PLAC8L1: variants seen among roughly 807,000 people sequenced by gnomAD.
PLAC8L1 encodes PLAC8 like 1, also known as PLAC8-like protein 1.
PLAC8L1 carries 13 observed loss-of-function variants against 16.3 expected under a neutral mutation model. The observed-to-expected ratio is 0.80, with a 90% CI of 0.52 to 1.27. PLAC8L1 has a LOEUF of 1.27. PLAC8L1 is among the 50% of genes most tolerant of loss of function. The probability of loss-of-function intolerance (pLI) is 0.00; values close to 1 mark genes in which losing one functional copy is unlikely to be tolerated. For synonymous variants in PLAC8L1, 78 were observed against 79.3 expected (o/e 0.98, Z 0.09); for missense variants, 184 against 220.2 (o/e 0.84, Z 1.04).
chr5:146,084,424 T>C lies in PLAC8L1; in HGVS notation c.*8A>G. 1 of 1,613,610 alleles carries C rather than the reference T, an allele frequency of 6.2e-7. No homozygotes were observed. The highest frequency in any genetic ancestry group is 1.7e-4 in the Middle Eastern group (1 of 6,058). Reference sequence around the variant, plus strand: ...GTTGGGGAGTAAGGAGGAGGAGTTATCTTGCTGTCAAACCAGGGTGTCCTT... The same window carrying C: ...GTTGGGGAGTAAGGAGGAGGAGTTACCTTGCTGTCAAACCAGGGTGTCCTT... On this transcript the variant is annotated 3_prime_UTR_variant, in exon 4 of 4. Transcript: ENST00000311450.
intron 1 of PLAC8L1, among the ~76,000 whole-genome samples, chr5:146,098,983 G>A (rs564873716): frequency 3.3e-5 from 5 of 152,282 alleles, no homozygotes; most frequent in South Asian, 2.1e-4. Context: ...CCCAGAAAGG[G>A]ATGAATATTC....
At chr5:146,103,863 T>A (rs1763863389) in intron 1 of PLAC8L1, 1 of 985,388 alleles carries the variant, frequency 1.0e-6, no homozygotes, top group Non-Finnish European at 1.2e-6. Flanking sequence ...TATTTCAAAC[T>A]CAGCTGAAGC....
Position 146,098,243 on chromosome 5 carries a change from T to C in PLAC8L1, c.169A>G (p.Ser57Gly). The C allele has an allele frequency of 6.2e-7, 1 of 1,614,172 alleles. No individual in the cohort carries two copies. The highest frequency in any genetic ancestry group is 1.1e-5 in the South Asian group (1 of 91,068). ...AVVKQPVRGA[S>G]GRTTITAIVQ... ...ATTGCTGTGATTGTCGTCCTGCCAC[T>C]GGCTCCCCGAACAGGCTGCTTCACC... The change falls in exon 2 of 4, where the codon AGT becomes GGT. Residue 57 changes from serine to glycine, a missense_variant. Transcript: ENST00000311450.
intron 1 of PLAC8L1, among the ~76,000 whole-genome samples, chr5:146,099,918 G>T (rs1293729784): frequency 6.6e-6 from 1 of 152,068 alleles, no homozygotes; most frequent in East Asian, 1.9e-4. Context: ...CACCAATACG[G>T]ATCATGTCTA....
At chr5:146,104,063 T>G in intron 1 of PLAC8L1, 130 bp downstream of exon 1, 1 of 1,419,546 alleles carries the variant, frequency 7.0e-7, no homozygotes, top group Non-Finnish European at 9.2e-7. Context: ...CAAGTTTGCA[T>G]GGAGAAAAGA....
At chr5:146,089,527 A>C (rs1237425275) in intron 2 of PLAC8L1, among the ~76,000 whole-genome samples, 1 of 152,124 alleles carries the variant, frequency 6.6e-6, no homozygotes, top group Non-Finnish European at 1.5e-5. Flanking sequence ...AAATTCACAC[A>C]ATCATCAGTG....
chr5:146,087,042 C>T (rs1271096727), intron 2 of PLAC8L1, among the ~76,000 whole-genome samples: 3 of 152,210 alleles, frequency 2.0e-5, no homozygotes, highest in African/African-American at 7.2e-5. Context: ...CCAGCCCTCC[C>T]GTTGCCCACT....
intron 1 of PLAC8L1, among the ~76,000 whole-genome samples, chr5:146,100,161 A>C (rs1048029359): frequency 2.6e-5 from 4 of 152,212 alleles, no homozygotes; most frequent in African/African-American, 7.2e-5. Context: ...ATGTCAACGC[A>C]AGAGAGACGG....
At position 146,104,806 on chromosome 5, in the gene PLAC8L1, GT is replaced by G. The variant is rs1335938185; in HGVS notation, c.-496del. On this transcript the variant is annotated 5_prime_UTR_variant, in exon 1 of 4. It removes the in-frame stop codon of an upstream open reading frame in the 5' UTR. Transcript: ENST00000311450. ...AGCAAAAAAAAGTCTTTCAGCGCAG[GT>G]ATTGTATTTGAATCCATCTTATGAA... 1 of 154,768 alleles carries G rather than the reference GT, an allele frequency of 6.5e-6. No homozygotes were observed. The highest frequency in any genetic ancestry group is 2.4e-5 in the African/African-American group (1 of 41,470). 9.6% of individuals were successfully genotyped at this position (154,768 alleles called of 1,614,324 possible).
At chr5:146,096,558 G>T (rs929421) in intron 2 of PLAC8L1, among the ~76,000 whole-genome samples, 2,443 of 152,260 alleles carry the variant, frequency 0.016, 27 homozygotes, top group Non-Finnish European at 0.023. Flanking sequence ...CTTGTTCAAC[G>T]TTACATGGCC....
At chr5:146,094,858 G>A (rs1763684057) in intron 2 of PLAC8L1, among the ~76,000 whole-genome samples, 2 of 152,222 alleles carry the variant, frequency 1.3e-5, no homozygotes, top group African/African-American at 4.8e-5. Flanking sequence ...ACAAATTGTA[G>A]CAATAATTCT....
chr5:146,100,089 A>T (rs1763789035), intron 1 of PLAC8L1, among the ~76,000 whole-genome samples: 1 of 152,214 alleles, frequency 6.6e-6, no homozygotes, highest in Non-Finnish European at 1.5e-5. Context: ...CTGAAACCTG[A>T]TACCAGTAGA....
intron 1 of PLAC8L1, among the ~76,000 whole-genome samples, 168 bp from the exon 2 acceptor site, chr5:146,098,460 T>G (rs1394612945): frequency 6.6e-6 from 1 of 152,206 alleles, no homozygotes; most frequent in Admixed American, 6.5e-5. Flanking sequence ...CCATCATACC[T>G]TCTCTTCTGG....
chr5:146,089,308 A>C (rs908736054), intron 2 of PLAC8L1, among the ~76,000 whole-genome samples: 1 of 152,242 alleles, frequency 6.6e-6, no homozygotes, highest in Non-Finnish European at 1.5e-5. Context: ...AGAAGAAATC[A>C]GATGTGATTT....
chr5:146,084,511 A>T lies in PLAC8L1; in HGVS notation c.455T>A (p.Val152Glu). ...HCCWAFSICQ[V>E]ARELKMRTSQ... Reference sequence around the variant, plus strand: ...GGTCCTCATCTTGAGTTCCCGGGCCACCTGGCAGATGGAAAAAGCCCAACA... The same window carrying T: ...GGTCCTCATCTTGAGTTCCCGGGCCTCCTGGCAGATGGAAAAAGCCCAACA... Residue 152 changes from valine to glutamate, a missense_variant, in exon 4 of 4, where the codon GTG (valine) becomes GAG (glutamate). Transcript: ENST00000311450. 1 of 1,614,184 alleles carries T rather than the reference A, an allele frequency of 6.2e-7. No homozygotes were observed. Among genetic ancestry groups the T allele is most frequent in the Non-Finnish European group, 8.5e-7 (1 of 1,180,034 alleles).
intron 2 of PLAC8L1, among the ~76,000 whole-genome samples, chr5:146,087,777 G>A (rs34818573): frequency 0.22 from 33,851 of 152,012 alleles, 4,792 homozygotes; most frequent in Admixed American, 0.34. Context: ...CTTACAGTTT[G>A]GCAAGCTGTA....
intron 1 of PLAC8L1, among the ~76,000 whole-genome samples, chr5:146,099,776 C>A (rs1198111067): frequency 6.6e-6 from 1 of 152,008 alleles, no homozygotes; most frequent in East Asian, 1.9e-4. Context: ...AGACAACATC[C>A]TGGGGGCATC....
chr5:146,085,662 A>C, intron 2 of PLAC8L1, 65 bp from the exon 3 acceptor site: 2 of 1,542,202 alleles, frequency 1.3e-6, no homozygotes, highest in Non-Finnish European at 1.8e-6. Context: ...CACATCTCAA[A>C]GAATATTTAC....
chr5:146,100,428 A>G (rs1409774044), intron 1 of PLAC8L1, among the ~76,000 whole-genome samples: 1 of 152,186 alleles, frequency 6.6e-6, no homozygotes, highest in Non-Finnish European at 1.5e-5. Flanking sequence ...ACCATGGAAA[A>G]AAAAAATTGG....
Sources: allele counts gnomAD v4.1 joint callset (sites outside exome capture counted in the v4.1 genomes callset), GRCh38; gene constraint gnomAD v4.1.1; transcripts MANE v1.5; gene names NCBI Gene and HGNC (gene_info 2026-07-23, HGNC 2026-07-21).